The following FABP7 variants were observed in gnomAD, a reference collection of about 807,000 sequenced individuals.
FABP7 encodes the protein fatty acid binding protein 7.
FABP7 carries 13 observed loss-of-function variants against 14.2 expected under a neutral mutation model. The ratio of observed to expected loss-of-function variants is 0.91; its 90% CI spans 0.59 to 1.45. The LOEUF (loss-of-function observed/expected upper bound fraction) is 1.45. FABP7 is among the 40% of genes most tolerant of loss of function. FABP7 has a pLI of 0.00. For missense variants in FABP7, 149 were observed against 157.6 expected (o/e 0.95, Z 0.29); for synonymous variants, 49 against 51.4 (o/e 0.95, Z 0.20).
the FABP7 span, among the ~76,000 whole-genome samples, chr6:122,773,966 T>C: frequency 6.6e-6 from 1 of 152,116 alleles, no homozygotes; most frequent in Non-Finnish European, 1.5e-5. Context: ...GTAACAACTC[T>C]GAGTGAGGAG....
the FABP7 span, among the ~76,000 whole-genome samples, chr6:122,759,083 G>T: frequency 6.6e-6 from 1 of 152,130 alleles, no homozygotes. Context: ...GGGCCACTAG[G>T]TTTCACATAC....
At chr6:122,781,425 C>A in intron 3 of FABP7, 3 of 1,407,036 alleles carry the variant, frequency 2.1e-6, no homozygotes, top group Non-Finnish European at 1.9e-6. Flanking sequence ...GAGAAAAATT[C>A]ATGTGTAGTT....
the FABP7 span, among the ~76,000 whole-genome samples, chr6:122,765,620 T>C: frequency 1.3e-5 from 2 of 152,096 alleles, no homozygotes; most frequent in African/African-American, 4.8e-5. Context: ...AACAATGGCA[T>C]TCTATTCATT....
At chr6:122,776,817 T>C (rs907450149), upstream of FABP7, among the ~76,000 whole-genome samples, 2 of 152,202 alleles carry the variant, frequency 1.3e-5, no homozygotes, top group Non-Finnish European at 2.9e-5. Context: ...CATACATGAT[T>C]AATTAAAAAA....
At chr6:122,773,675 T>C in the FABP7 span, among the ~76,000 whole-genome samples, 1 of 152,242 alleles carries the variant, frequency 6.6e-6, no homozygotes, top group South Asian at 2.1e-4. Context: ...TTTTTGTTGC[T>C]GCATAACCTT....
chr6:122,768,298 A>G, the FABP7 span, among the ~76,000 whole-genome samples: 1 of 152,142 alleles, frequency 6.6e-6, no homozygotes, highest in Admixed American at 6.6e-5. Flanking sequence ...ATAACCTTCT[A>G]AAACTGAAGA....
the FABP7 span, among the ~76,000 whole-genome samples, chr6:122,770,402 T>A: frequency 9.5e-4 from 144 of 152,240 alleles, 1 homozygote; most frequent in African/African-American, 3.2e-3. Context: ...GGAGGCAGTC[T>A]TGGCATAAGT....
At chr6:122,760,245 C>T in the FABP7 span, among the ~76,000 whole-genome samples, 1 of 152,196 alleles carries the variant, frequency 6.6e-6, no homozygotes, top group Non-Finnish European at 1.5e-5. Flanking sequence ...GAAGTTCCCT[C>T]ATGCCCCTTT....
At chr6:122,763,076 G>T in the FABP7 span, among the ~76,000 whole-genome samples, 1 of 152,126 alleles carries the variant, frequency 6.6e-6, no homozygotes, top group Non-Finnish European at 1.5e-5. Context: ...AGACCACATT[G>T]CCAAGACAAT....
chr6:122,770,962 G>T, the FABP7 span, among the ~76,000 whole-genome samples: 2 of 152,160 alleles, frequency 1.3e-5, no homozygotes, highest in African/African-American at 4.8e-5. Flanking sequence ...CATAACTTGT[G>T]CAATATACTT....
the FABP7 span, among the ~76,000 whole-genome samples, chr6:122,771,355 C>T: frequency 1.3e-5 from 2 of 152,136 alleles, no homozygotes; most frequent in African/African-American, 2.4e-5. Flanking sequence ...TTTCTGTAAT[C>T]TTCAACTGAT....
upstream of FABP7, among the ~76,000 whole-genome samples, chr6:122,775,369 A>T (rs1780654280): frequency 6.6e-6 from 1 of 152,104 alleles, no homozygotes; most frequent in South Asian, 2.1e-4. Flanking sequence ...ATATTTACAG[A>T]CAACTTATTT....
the FABP7 span, among the ~76,000 whole-genome samples, chr6:122,769,985 C>G: frequency 6.6e-6 from 1 of 151,954 alleles, no homozygotes; most frequent in Non-Finnish European, 1.5e-5. Flanking sequence ...TTCAATGGCC[C>G]GCTTGTAATT....
chr6:122,781,855 C>T (rs971344822), intron 3 of FABP7: 2 of 434,282 alleles, frequency 4.6e-6, no homozygotes, highest in African/African-American at 4.3e-5. Flanking sequence ...GATTCTACAA[C>T]CTCAGCCTCC....
chr6:122,764,184 T>C, the FABP7 span, among the ~76,000 whole-genome samples: 1 of 152,204 alleles, frequency 6.6e-6, no homozygotes, highest in Non-Finnish European at 1.5e-5. Flanking sequence ...GTGGCACGTA[T>C]ACACCATGGA....
chr6:122,750,205 T>A, the FABP7 span, among the ~76,000 whole-genome samples: 1 of 152,164 alleles, frequency 6.6e-6, no homozygotes, highest in African/African-American at 2.4e-5. Flanking sequence ...AAAAAATAAT[T>A]TTAATTTTTG....
At chr6:122,764,281 T>G in the FABP7 span, among the ~76,000 whole-genome samples, 1 of 152,078 alleles carries the variant, frequency 6.6e-6, no homozygotes, top group African/African-American at 2.4e-5. Context: ...AGCAAATTAT[T>G]GCAAGGACAG....
At chr6:122,761,548 A>G in the FABP7 span, among the ~76,000 whole-genome samples, 1 of 152,194 alleles carries the variant, frequency 6.6e-6, no homozygotes, top group Non-Finnish European at 1.5e-5. Context: ...AAAGATTATT[A>G]TATTAATTGA....
chr6:122,750,424 T>C, the FABP7 span, among the ~76,000 whole-genome samples: 20 of 152,310 alleles, frequency 1.3e-4, no homozygotes, highest in Non-Finnish European at 2.4e-4. Flanking sequence ...TAATAAATAA[T>C]AGATCAAAAA....
Sources: gnomAD v4.1 joint callset for allele counts (sites outside exome capture counted in the v4.1 genomes callset) on GRCh38, gnomAD v4.1.1 for gene constraint, MANE v1.5 for transcripts, NCBI Gene and HGNC (gene_info 2026-07-23, HGNC 2026-07-21) for gene names.